Variants in FCHSD1 observed in about 807,000 individuals in gnomAD.
The protein encoded by FCHSD1 is F-BAR and double SH3 domains protein 1.
FCHSD1 carries 109 observed loss-of-function variants against 101.3 expected under a neutral mutation model. That is an observed-to-expected ratio of 1.08 (90% CI 0.92 to 1.26). The LOEUF is 1.26. FCHSD1 is among the 50% of genes most tolerant of loss of function. The pLI, the probability that FCHSD1 is intolerant of heterozygous loss-of-function variation, is 0.00. For synonymous variants in FCHSD1, 291 were observed against 356.8 expected (o/e 0.82, Z 2.08); for missense variants, 820 against 895.8 (o/e 0.92, Z 1.08).
In FCHSD1 at chr5:141,644,944, T is replaced by A; in HGVS notation, c.1441-2A>T. On this transcript the variant is annotated splice_acceptor_variant, in intron 14 of 19. Coordinates refer to ENST00000435817, the MANE Select transcript of FCHSD1 (RefSeq NM_033449.3). LOFTEE classifies it high-confidence loss of function. ...TGTCAGCTCATCCTCACGCCCTGCC[T>A]GGGCCACACACGAAGGATTCAGGAC... 6.2e-7 allele frequency: 1 copy of A among 1,613,952 alleles called. No individual in the cohort carries two copies. Among genetic ancestry groups the A allele is most frequent in the South Asian group, 1.1e-5 (1 of 91,062 alleles).
chr5:141,640,409 C>G lies in FCHSD1; in HGVS notation c.*1089G>C. 1.2e-6 allele frequency: 2 copies of G among 1,614,190 alleles called. No individual in the cohort carries two copies. Among genetic ancestry groups the G allele is most frequent in the Non-Finnish European group, 8.5e-7 (1 of 1,180,002 alleles). ...CATTGTTGACCCCTCCCCTTTCTCT[C>G]AGGTGTCTCTACCACAGGGAGCAGG... On this transcript the variant is annotated 3_prime_UTR_variant, in exon 20 of 20. Transcript: ENST00000435817.
In FCHSD1 at chr5:141,651,333, C is replaced by G; in HGVS notation, c.21+15G>C. On this transcript the variant is annotated intron_variant, in intron 1 of 19. Coordinates refer to ENST00000435817, the MANE Select transcript of FCHSD1 (RefSeq NM_033449.3). The stretch of plus-strand genomic sequence containing the variant: ...CCCCAGCCCGCCAGGAGTCCCCATT[C>G]AGGGCCAAGCTCACTTTTCGGGGCG... The G allele has an allele frequency of 6.4e-6, 10 of 1,553,774 alleles. No homozygotes were observed. The highest frequency in any genetic ancestry group is 7.8e-6 in the Non-Finnish European group (9 of 1,148,220).
At position 141,649,001 on chromosome 5, in the gene FCHSD1, C is replaced by T; in HGVS notation, c.532G>A (p.Gly178Arg). 1 of 1,613,982 alleles carries T rather than the reference C, an allele frequency of 6.2e-7. No individual in the cohort carries two copies. The highest frequency in any genetic ancestry group is 8.5e-7 in the Non-Finnish European group (1 of 1,179,898). ...VQARLNRSDH[G>R]IFHSRTSLQK... ...AGACTGGTCCGAGAGTGGAAGATCC[C>T]ATGGTCACTTCGGTTTAGCCTGTGC... The change falls in exon 7 of 20, where the codon GGG (glycine) becomes AGG (arginine). Residue 178 changes from glycine (G) to arginine (R), a missense_variant. Coordinates refer to ENST00000435817, the MANE Select transcript of FCHSD1 (RefSeq NM_033449.3). The surrounding 1 kb of genome is among the most constrained non-coding windows in gnomAD (Gnocchi z 4.1).
chr5:141,640,216 G>C lies in FCHSD1; in HGVS notation c.*1282C>G. The stretch of plus-strand genomic sequence containing the variant: ...TCTGCAGAGCCAACACTGAGGGCCG[G>C]AGGGAGGGGCCCAAGCCCAGGGCTG... On this transcript the variant is annotated 3_prime_UTR_variant, in exon 20 of 20. Coordinates refer to ENST00000435817, the MANE Select transcript of FCHSD1 (RefSeq NM_033449.3). 1 of 1,614,192 alleles carries C rather than the reference G, an allele frequency of 6.2e-7. No homozygotes were observed. Among genetic ancestry groups the C allele is most frequent in the Non-Finnish European group, 8.5e-7 (1 of 1,180,012 alleles).
rs1335570150 is a variant in FCHSD1, at chr5:141,649,844, T to C, written c.233+43A>G. On this transcript the variant is annotated intron_variant, in intron 4 of 19. Transcript: ENST00000435817. The surrounding 1 kb of genome is among the most constrained non-coding windows in gnomAD (Gnocchi z 4.1). Reference sequence around the variant, plus strand: ...CAGGTTCCTGGGGCTGAGCTCCCCATCACTTTTTGGCCTCTGTGGCCCTCC... The same window carrying C: ...CAGGTTCCTGGGGCTGAGCTCCCCACCACTTTTTGGCCTCTGTGGCCCTCC... 2.0e-6 allele frequency: 3 copies of C among 1,536,070 alleles called. No homozygotes were observed. The highest frequency in any genetic ancestry group is 2.5e-5 in the South Asian group (2 of 81,630).
chr5:141,645,323 T>TAGC (rs55741918), intron 13 of FCHSD1, among the ~76,000 whole-genome samples, 175 bp from the exon 14 acceptor site: 46,538 of 152,000 alleles, frequency 0.31, 7,624 homozygotes, highest in African/African-American at 0.39. Context: ...CTAACAGTAA[T>TAGC]AGAGTTACAG....
rs1401175121 is a variant in FCHSD1, at chr5:141,640,414, G to A, written c.*1084C>T. The A allele has an allele frequency of 1.2e-6, 2 of 1,614,176 alleles. No homozygotes were observed. The highest frequency in any genetic ancestry group is 1.6e-4 in the Middle Eastern group (1 of 6,062). Reference sequence around the variant, plus strand: ...TTGACCCCTCCCCTTTCTCTCAGGTGTCTCTACCACAGGGAGCAGGGAGTA... The same window carrying A: ...TTGACCCCTCCCCTTTCTCTCAGGTATCTCTACCACAGGGAGCAGGGAGTA... On this transcript the variant is annotated 3_prime_UTR_variant, in exon 20 of 20. Coordinates refer to ENST00000435817, the MANE Select transcript of FCHSD1 (RefSeq NM_033449.3).
Position 141,639,329 on chromosome 5 carries a change from T to TA in FCHSD1, c.*2168dup. 1.5e-6 allele frequency: 1 copy of TA among 689,436 alleles called. No homozygotes were observed. Among genetic ancestry groups the TA allele is most frequent in the South Asian group, 2.0e-5 (1 of 49,038 alleles). 42.7% of individuals were successfully genotyped at this position (689,436 alleles called of 1,614,324 possible). On this transcript the variant is annotated 3_prime_UTR_variant, in exon 20 of 20. Transcript: ENST00000435817. The surrounding 1 kb of genome is among the most constrained non-coding windows in gnomAD (Gnocchi z 4.4). ...ACATCTTAATATTGAGTTTATTAGA[T>TA]AAAGACAAGAAAAAATGGGGCTTGG...
intron 18 of FCHSD1, chr5:141,642,778 GA>G: frequency 1.8e-6 from 1 of 559,538 alleles, no homozygotes; most frequent in South Asian, 2.2e-5. Flanking sequence ...ACCTCATAAA[GA>G]ACATAAACTG....
rs2099906750 is a variant in FCHSD1, at chr5:141,640,617, A to T, written c.*881T>A. 1.3e-6 allele frequency: 2 copies of T among 1,539,404 alleles called. No individual in the cohort carries two copies. The highest frequency in any genetic ancestry group is 1.4e-5 in the African/African-American group (1 of 72,964). ...GAAGGTCCTGGAGCCCCAGGGGAAA[A>T]GCTGGACACAGCTTGAACAGGAAGC... On this transcript the variant is annotated 3_prime_UTR_variant, in exon 20 of 20. Coordinates refer to ENST00000435817, the MANE Select transcript of FCHSD1 (RefSeq NM_033449.3).
At position 141,641,499 on chromosome 5, in the gene FCHSD1, C is replaced by T. The variant is rs749977277; in HGVS notation, c.2072G>A (p.Ter691=). The change falls in exon 20 of 20, where the codon TGA becomes TAA. Residue 691 remains the stop codon, a stop_retained_variant. Transcript: ENST00000435817. ...PDPGHPDPLT[*] ...TGGGGGTCAAGGCTTCCCTGGCCTTCAGGTGAGGGGATCTGGGTGGCCAGG... is the reference window on the plus strand; with the variant it reads ...TGGGGGTCAAGGCTTCCCTGGCCTTTAGGTGAGGGGATCTGGGTGGCCAGG... 23 of 1,490,918 alleles carry T rather than the reference C, an allele frequency of 1.5e-5. No homozygotes were observed. The highest frequency in any genetic ancestry group is 2.1e-5 in the Non-Finnish European group (23 of 1,120,956). The allele number at this position is 1,490,918 out of a possible 1,614,324, so 92.4% of individuals were successfully genotyped here.
intron 17 of FCHSD1, 141 bp downstream of exon 17, chr5:141,644,077 C>G (rs1286729987): frequency 3.7e-6 from 3 of 805,944 alleles, no homozygotes; most frequent in East Asian, 2.7e-5. Context: ...CCTGCCCCCC[C>G]ATAGGAGATG....
intron 2 of FCHSD1, 137 bp downstream of exon 2, chr5:141,650,883 G>A (rs1185049549): frequency 2.5e-6 from 2 of 793,648 alleles, no homozygotes; most frequent in Non-Finnish European, 4.2e-6. Context: ...GGAGAGGCCA[G>A]GCCTAGGGTG....
intron 13 of FCHSD1, 80 bp downstream of exon 13, chr5:141,645,691 T>G (rs2099907568): frequency 1.2e-5 from 18 of 1,459,586 alleles, no homozygotes; most frequent in Non-Finnish European, 1.7e-5. Context: ...ACAACTGTGA[T>G]TCCAGTTTTA....
chr5:141,647,407 T>G lies in FCHSD1; in HGVS notation c.819A>C (p.Thr273=), dbSNP rs1413653943. 1.9e-6 allele frequency: 3 copies of G among 1,597,634 alleles called. No individual in the cohort carries two copies. Among genetic ancestry groups the G allele is most frequent in the East Asian group, 4.5e-5 (2 of 44,580 alleles). ...AGGCCACAGCCCTCACCTGGGAGGT[T>G]GTCTGCTCCCCGCGGTGGGCATGCT... ...ILEHAHRGEQ[T]TSQVSWEQDL... The change falls in exon 9 of 20, where the codon ACA becomes ACC. Residue 273 remains threonine (T), a synonymous_variant. Coordinates refer to ENST00000435817, the MANE Select transcript of FCHSD1 (RefSeq NM_033449.3).
rs1737310009 is a variant in FCHSD1, at chr5:141,649,727, A to G, written c.233+160T>C. 6.6e-6 allele frequency among the ~76,000 whole-genome samples: 1 copy of G among 151,992 alleles called. No homozygotes were observed. On this transcript the variant is annotated intron_variant, in intron 4 of 19. Coordinates refer to ENST00000435817, the MANE Select transcript of FCHSD1 (RefSeq NM_033449.3). The surrounding 1 kb of genome is among the most constrained non-coding windows in gnomAD (Gnocchi z 4.1). ...CACTCCTGCCCTCCACCCCACCCAC[A>G]GTGTCCTTGCTGGGTCAGCTCCTCT...
chr5:141,646,873 A>G (rs1420334269), intron 10 of FCHSD1, among the ~76,000 whole-genome samples, 151 bp from the exon 11 acceptor site: 3 of 152,228 alleles, frequency 2.0e-5, no homozygotes, highest in African/African-American at 7.2e-5. Context: ...ATGTGGACAC[A>G]GAGATACAGA....
chr5:141,640,757 G>A lies in FCHSD1; in HGVS notation c.*741C>T. The A allele has an allele frequency of 1.5e-6, 2 of 1,294,266 alleles. No homozygotes were observed. Among genetic ancestry groups the A allele is most frequent in the East Asian group, 2.5e-5 (1 of 39,728 alleles). 80.2% of individuals were successfully genotyped at this position (1,294,266 alleles called of 1,614,324 possible). Reference sequence around the variant, plus strand: ...GCCCTCCCCTCCACTGGACAGCACTGCCCCCCAGCTGAGGGACCAGCTCTA... The same window carrying A: ...GCCCTCCCCTCCACTGGACAGCACTACCCCCCAGCTGAGGGACCAGCTCTA... On this transcript the variant is annotated 3_prime_UTR_variant, in exon 20 of 20. Coordinates refer to ENST00000435817, the MANE Select transcript of FCHSD1 (RefSeq NM_033449.3).
chr5:141,639,492 G>T lies in FCHSD1; in HGVS notation c.*2006C>A. The T allele has an allele frequency of 6.2e-7, 1 of 1,613,692 alleles. No homozygotes were observed. The highest frequency in any genetic ancestry group is 8.5e-7 in the Non-Finnish European group (1 of 1,179,790). On this transcript the variant is annotated 3_prime_UTR_variant, in exon 20 of 20. Transcript: ENST00000435817. This position sits in a 1 kb window ranked among gnomAD's most constrained non-coding sequence, Gnocchi z 4.4. Reference sequence around the variant, plus strand: ...GGATGCCACCTCCAGCCTGCAGGACGGAGCCCCCTCCCATCATCACACAGT... The same window carrying T: ...GGATGCCACCTCCAGCCTGCAGGACTGAGCCCCCTCCCATCATCACACAGT...
Sources: allele counts gnomAD v4.1 joint callset (sites outside exome capture counted in the v4.1 genomes callset), GRCh38; gene constraint gnomAD v4.1.1; non-coding constraint Gnocchi (gnomAD v3.1); transcripts MANE v1.5; gene names NCBI Gene and HGNC (gene_info 2026-07-23, HGNC 2026-07-21).